The following DRC11 variants were observed in gnomAD, a reference collection of about 807,000 sequenced individuals.
DRC11 encodes the protein IQ and AAA domain-containing protein 1.
chr2:236,421,545 C>A, the DRC11 span, among the ~76,000 whole-genome samples: 4 of 152,218 alleles, frequency 2.6e-5, no homozygotes, highest in East Asian at 5.8e-4. Flanking sequence ...CAATAACAGG[C>A]TCTGAAATTG....
At chr2:236,343,791 A>C in the DRC11 span, 1 of 1,278,820 alleles carries the variant, frequency 7.8e-7, no homozygotes, top group Non-Finnish European at 1.0e-6. This position sits in a 1 kb window ranked among gnomAD's most constrained non-coding sequence, Gnocchi z 6.6. Flanking sequence ...TAAATAATAA[A>C]TGAGTTCTCT....
chr2:236,502,306 T>G, the DRC11 span, among the ~76,000 whole-genome samples: 1 of 151,572 alleles, frequency 6.6e-6, no homozygotes, highest in South Asian at 2.1e-4. Context: ...GGGCCAGGCG[T>G]GGTGGCTCAC....
At chr2:236,376,147 T>A in the DRC11 span, among the ~76,000 whole-genome samples, 1 of 152,220 alleles carries the variant, frequency 6.6e-6, no homozygotes, top group East Asian at 1.9e-4. The surrounding 1 kb of genome is among the most constrained non-coding windows in gnomAD (Gnocchi z 5.7). Context: ...GGAGACACCA[T>A]CATTTTCCTG....
At chr2:236,364,688 A>G in the DRC11 span, among the ~76,000 whole-genome samples, 152,312 of 152,312 alleles carry the variant, frequency 1, 76,156 homozygotes, top group Non-Finnish European at 1. Flanking sequence ...AGCAGAGCAG[A>G]TATTGGGCAC....
chr2:236,388,719 T>C, the DRC11 span, among the ~76,000 whole-genome samples: 2 of 150,612 alleles, frequency 1.3e-5, no homozygotes, highest in African/African-American at 4.9e-5. Context: ...CTGCGTTCCT[T>C]TGGAGGAGGA....
At chr2:236,356,998 A>AT in the DRC11 span, among the ~76,000 whole-genome samples, 4 of 86,208 alleles carry the variant, frequency 4.6e-5, no homozygotes, top group South Asian at 3.1e-4. Context: ...ATATCTATAT[A>AT]TTTATATATT....
At chr2:236,487,320 G>A in the DRC11 span, among the ~76,000 whole-genome samples, 1 of 152,162 alleles carries the variant, frequency 6.6e-6, no homozygotes, top group Non-Finnish European at 1.5e-5. Flanking sequence ...AAACCCGAAA[G>A]AAAACAGACT....
the DRC11 span, among the ~76,000 whole-genome samples, chr2:236,355,184 C>T: frequency 2.0e-5 from 3 of 152,200 alleles, no homozygotes; most frequent in African/African-American, 7.2e-5. Flanking sequence ...CGTACAGACG[C>T]CGGCATCCCC....
At chr2:236,343,643 T>C in the DRC11 span, 1 of 1,062,896 alleles carries the variant, frequency 9.4e-7, no homozygotes, top group Admixed American at 2.3e-5. This position sits in a 1 kb window ranked among gnomAD's most constrained non-coding sequence, Gnocchi z 6.6. Context: ...GCCCTGCATT[T>C]CTCTTAGACG....
At chr2:236,492,732 T>C in the DRC11 span, among the ~76,000 whole-genome samples, 1 of 152,148 alleles carries the variant, frequency 6.6e-6, no homozygotes, top group African/African-American at 2.4e-5. Context: ...GGCAGTGCCC[T>C]GTGGAAAGGG....
At chr2:236,408,221 T>C in the DRC11 span, 1 of 796,312 alleles carries the variant, frequency 1.3e-6, no homozygotes, top group Non-Finnish European at 2.3e-6. This position sits in a 1 kb window ranked among gnomAD's most constrained non-coding sequence, Gnocchi z 5.5. Flanking sequence ...ATCTTAGAGA[T>C]CAATCTTCTT....
the DRC11 span, among the ~76,000 whole-genome samples, chr2:236,344,865 T>C: frequency 7.2e-6 from 1 of 139,712 alleles, no homozygotes; most frequent in Non-Finnish European, 1.5e-5. Flanking sequence ...AGAGCCCTGG[T>C]TATAAACGTG....
chr2:236,411,701 G>A, the DRC11 span, among the ~76,000 whole-genome samples: 2 of 146,680 alleles, frequency 1.4e-5, no homozygotes, highest in African/African-American at 5.1e-5. Context: ...ATACACCATG[G>A]AATACTATGC....
At chr2:236,420,552 G>A in the DRC11 span, among the ~76,000 whole-genome samples, 1 of 152,164 alleles carries the variant, frequency 6.6e-6, no homozygotes, top group East Asian at 1.9e-4. The surrounding 1 kb of genome is among the most constrained non-coding windows in gnomAD (Gnocchi z 4.8). Flanking sequence ...GTGGAGAAAG[G>A]CGAGAGGTGA....
chr2:236,469,058 T>C, the DRC11 span, among the ~76,000 whole-genome samples: 1 of 152,214 alleles, frequency 6.6e-6, no homozygotes, highest in South Asian at 2.1e-4. This position sits in a 1 kb window ranked among gnomAD's most constrained non-coding sequence, Gnocchi z 5.8. Flanking sequence ...TCCAAGAAAC[T>C]TCCTAACACT....
the DRC11 span, among the ~76,000 whole-genome samples, chr2:236,409,267 G>C: frequency 6.6e-6 from 1 of 152,158 alleles, no homozygotes; most frequent in Admixed American, 6.5e-5. Context: ...ATCATGCCTG[G>C]CTAATTTTAT....
chr2:236,503,001 T>C, the DRC11 span, among the ~76,000 whole-genome samples: 1 of 152,098 alleles, frequency 6.6e-6, no homozygotes, highest in Admixed American at 6.5e-5. The surrounding 1 kb of genome is among the most constrained non-coding windows in gnomAD (Gnocchi z 4.9). Flanking sequence ...TTTCAAGACA[T>C]ACATACAGAT....
At chr2:236,453,973 C>T in the DRC11 span, among the ~76,000 whole-genome samples, 2 of 152,198 alleles carry the variant, frequency 1.3e-5, no homozygotes, top group Non-Finnish European at 2.9e-5. The surrounding 1 kb of genome is among the most constrained non-coding windows in gnomAD (Gnocchi z 4.9). Context: ...TGTCCTTCCC[C>T]TCTTTAGAGT....
At chr2:236,482,307 C>T in the DRC11 span, among the ~76,000 whole-genome samples, 2 of 152,106 alleles carry the variant, frequency 1.3e-5, no homozygotes, top group South Asian at 2.1e-4. This position sits in a 1 kb window ranked among gnomAD's most constrained non-coding sequence, Gnocchi z 4.5. Context: ...TGTAAGAATA[C>T]TAAAATAAGT....
Sources: allele counts gnomAD v4.1 joint callset (sites outside exome capture counted in the v4.1 genomes callset), GRCh38; gene constraint gnomAD v4.1.1; non-coding constraint Gnocchi (gnomAD v3.1); transcripts MANE v1.5; gene names NCBI Gene and HGNC (gene_info 2026-07-23, HGNC 2026-07-21).